CACNA2D4: variants seen among roughly 807,000 people sequenced by gnomAD.
CACNA2D4 encodes the protein calcium voltage-gated channel auxiliary subunit alpha2delta 4, also known as voltage-dependent calcium channel subunit alpha-2/delta-4.
Under a neutral mutation model 163.8 loss-of-function variants are expected in CACNA2D4, and 157 were observed. The observed-to-expected ratio is 0.96, with a 90% CI of 0.84 to 1.09. The LOEUF (loss-of-function observed/expected upper bound fraction) is 1.09, where lower values mean the gene tolerates loss of function less well. Ranked by LOEUF, CACNA2D4 falls within the 50% of genes least tolerant of loss-of-function variation. The probability of loss-of-function intolerance (pLI) is 0.00; values close to 1 mark genes in which losing one functional copy is unlikely to be tolerated. For missense variants in CACNA2D4, 1,410 were observed against 1,479.9 expected, an observed-to-expected ratio of 0.95 and a Z score of 0.78; for synonymous variants, 598 against 586.9, an observed-to-expected ratio of 1.02 and a Z score of -0.27.
intron 26 of CACNA2D4, among the ~76,000 whole-genome samples, chr12:1,826,409 C>CCCG: frequency 4.9e-5 from 3 of 60,718 alleles, no homozygotes; most frequent in Non-Finnish European, 1.3e-4. Context: ...AGCCCCCCCC[C>CCCG]CCCCCCCGCC....
chr12:1,845,049 G>GC lies in CACNA2D4; in HGVS notation c.2343-521dup, dbSNP rs1029932935. Among the ~76,000 whole-genome samples the GC allele has an allele frequency of 8.8e-4, 133 of 150,972 alleles. 1 individual carries two copies. Among genetic ancestry groups the GC allele is most frequent in the African/African-American group, 3.1e-3 (127 of 41,008 alleles). The stretch of plus-strand genomic sequence containing the variant: ...GGCAGCCCACAGAAGGGAGTGTTCG[G>GC]CCAGAAGCAGAGTGGGAGGCAGGGA... On this transcript the variant is annotated intron_variant, in intron 24 of 37. Transcript: ENST00000382722.
At chr12:1,893,052 G>A (rs926649400) in intron 6 of CACNA2D4, among the ~76,000 whole-genome samples, 5 of 152,112 alleles carry the variant, frequency 3.3e-5, no homozygotes, top group African/African-American at 7.2e-5. Context: ...TAGTTGGAAC[G>A]TAAACACCCC....
In CACNA2D4 at chr12:1,797,329, C is replaced by T. The variant is rs1863159793; in HGVS notation, c.3113+89G>A. 9 of 964,850 alleles carry T rather than the reference C, an allele frequency of 9.3e-6. No individual in the cohort carries two copies. The South Asian group carries it at 1.1e-4, about 12-fold the overall frequency. The allele number at this position is 964,850 out of a possible 1,614,324, so 59.8% of individuals were successfully genotyped here. A position where few individuals can be genotyped will look rare whatever the true frequency, so the allele number is the denominator to read the frequency against. On this transcript the variant is annotated intron_variant, in intron 35 of 37. Transcript: ENST00000382722. Reference sequence around the variant, plus strand: ...CTCCTCCCGGCTGTGGAGCCGTTTCCCGGGGGTTCCGGGGCCCTGCCCGCA... The same window carrying T: ...CTCCTCCCGGCTGTGGAGCCGTTTCTCGGGGGTTCCGGGGCCCTGCCCGCA...
chr12:1,909,644 A>C (rs1866764613), intron 4 of CACNA2D4, among the ~76,000 whole-genome samples: 3 of 152,296 alleles, frequency 2.0e-5, no homozygotes, highest in Admixed American at 1.3e-4. Flanking sequence ...TCCAGCCTGC[A>C]TTCCCCGGAG....
At position 1,846,865 on chromosome 12, in the gene CACNA2D4, G is replaced by A. The variant is rs537560814; in HGVS notation, c.2247-176C>T. ...GGACACGCACCCTGCTGGCATCCACGGTGCCCATCAGGTTTCAGGCCCGGC... is the reference window on the plus strand; with the variant it reads ...GGACACGCACCCTGCTGGCATCCACAGTGCCCATCAGGTTTCAGGCCCGGC... On this transcript the variant is annotated intron_variant, in intron 23 of 37. Coordinates refer to ENST00000382722, the MANE Select transcript of CACNA2D4 (RefSeq NM_172364.5). Among the ~76,000 whole-genome samples, 10 of 152,350 alleles carry A rather than the reference G, an allele frequency of 6.6e-5. No homozygotes were observed. In the South Asian group the frequency reaches 1.7e-3, roughly 25 times the overall value.
Position 1,801,107 on chromosome 12 carries a change from T to C in CACNA2D4, c.2804A>G (p.Tyr935Cys), listed in dbSNP as rs1220534190. 1.9e-6 allele frequency: 3 copies of C among 1,613,782 alleles called. No individual in the cohort carries two copies. The highest frequency in any genetic ancestry group is 2.2e-5 in the East Asian group (1 of 44,852). The change falls in exon 31 of 38, where the codon TAT becomes TGT. Residue 935 changes from tyrosine to cysteine, a missense_variant. Coordinates refer to ENST00000382722, the MANE Select transcript of CACNA2D4 (RefSeq NM_172364.5). Reference sequence around the variant, plus strand: ...GGGTTTGCACATGGCCTGATAGTCATACATAGTCACTCTGAAAATCAGAAG... The same window carrying C: ...GGGTTTGCACATGGCCTGATAGTCACACATAGTCACTCTGAAAATCAGAAG... ...SMGVFSQVTMYDYQAMCKPSS... is the reference protein window; with the variant it reads ...SMGVFSQVTMCDYQAMCKPSS...
chr12:1,804,175 AC>A (rs1863439350), intron 29 of CACNA2D4, among the ~76,000 whole-genome samples: 1 of 140,474 alleles, frequency 7.1e-6, no homozygotes, highest in Non-Finnish European at 1.5e-5. Flanking sequence ...CCCCTCCGTC[AC>A]CCCCTCACCT....
chr12:1,868,952 CTG>C (rs955712659), intron 18 of CACNA2D4, among the ~76,000 whole-genome samples: 2 of 151,872 alleles, frequency 1.3e-5, no homozygotes, highest in African/African-American at 4.8e-5. Flanking sequence ...TTAGGGAAGA[CTG>C]TGTAGATTAC....
At position 1,878,863 on chromosome 12, in the gene CACNA2D4, G is replaced by T; in HGVS notation, c.1644+93C>A. ...TGGAGGGGCCCCACCCCAGCTCTGG[G>T]CTTGGCTTGCCTGGAGAGAGGCTCC... is the stretch of plus-strand genomic sequence containing the variant. On this transcript the variant is annotated intron_variant, in intron 15 of 37. Coordinates refer to ENST00000382722, the MANE Select transcript of CACNA2D4 (RefSeq NM_172364.5). The surrounding 1 kb of genome is among the most constrained non-coding windows in gnomAD (Gnocchi z 4.6). 8.0e-7 allele frequency: 1 copy of T among 1,244,568 alleles called. No homozygotes were observed. Among genetic ancestry groups the T allele is most frequent in the Non-Finnish European group, 1.1e-6 (1 of 881,534 alleles). The allele number at this position is 1,244,568 out of a possible 1,614,324, so 77.1% of individuals were successfully genotyped here.
In CACNA2D4 at chr12:1,806,471, G is replaced by C. The variant is rs1020234756; in HGVS notation, c.2721+3807C>G. On this transcript the variant is annotated intron_variant, in intron 29 of 37. Transcript: ENST00000382722. This position sits in a 1 kb window ranked among gnomAD's most constrained non-coding sequence, Gnocchi z 4.1. ...GGCCCTTGTGGTTTCCCCACTCACT[G>C]ACTACGGGGAGGAGGGTGTGCAAGG... Among the ~76,000 whole-genome samples the C allele has an allele frequency of 6.6e-6, 1 of 152,206 alleles. No homozygotes were observed. The highest frequency in any genetic ancestry group is 2.4e-5 in the African/African-American group (1 of 41,450).
At chr12:1,851,689 T>G in intron 23 of CACNA2D4, among the ~76,000 whole-genome samples, 1 of 83,244 alleles carries the variant, frequency 1.2e-5, no homozygotes, top group Non-Finnish European at 2.8e-5. Flanking sequence ...GTTTTTTTTT[T>G]TTTTTTCCAG....
At chr12:1,885,427 C>T (rs530445110) in intron 9 of CACNA2D4, among the ~76,000 whole-genome samples, 1 of 152,168 alleles carries the variant, frequency 6.6e-6, no homozygotes, top group Non-Finnish European at 1.5e-5. Flanking sequence ...GTGCACACTT[C>T]ACAGCAGAAA....
Position 1,853,957 on chromosome 12 carries a change from A to T in CACNA2D4, c.2240T>A (p.Met747Lys). The T allele has an allele frequency of 6.2e-7, 1 of 1,612,810 alleles. No individual in the cohort carries two copies. The highest frequency in any genetic ancestry group is 2.2e-5 in the East Asian group (1 of 44,850). ...EAYWTALALNMSEESEHVVDM... is the reference protein window; with the variant it reads ...EAYWTALALNKSEESEHVVDM... ...CCTGGGAACCTGGACCTACTCGGACATGTTGAGGGCCAGCGCTGTCCAGTA... is the reference window on the plus strand; with the variant it reads ...CCTGGGAACCTGGACCTACTCGGACTTGTTGAGGGCCAGCGCTGTCCAGTA... The change falls in exon 23 of 38, where the codon ATG becomes AAG. Residue 747 changes from methionine to lysine, a missense_variant. Met to Lys is a moderately conservative substitution (Grantham distance 95). Coordinates refer to ENST00000382722, the MANE Select transcript of CACNA2D4 (RefSeq NM_172364.5).
chr12:1,846,616 C>T lies in CACNA2D4; in HGVS notation c.2320G>A (p.Gly774Ser). 4 of 1,601,474 alleles carry T rather than the reference C, an allele frequency of 2.5e-6. No individual in the cohort carries two copies. Among genetic ancestry groups the T allele is most frequent in the Non-Finnish European group, 3.4e-6 (4 of 1,176,622 alleles). Residue 774 changes from glycine to serine, a missense_variant, in exon 24 of 38, where the codon GGC (glycine) becomes AGC (serine). Coordinates refer to ENST00000382722, the MANE Select transcript of CACNA2D4 (RefSeq NM_172364.5). ...CACCTGTCGGAGACCTTCTCGGAGCCCACGAACAAGCTGCTTCTCAGGAGG... is the reference window on the plus strand; with the variant it reads ...CACCTGTCGGAGACCTTCTCGGAGCTCACGAACAAGCTGCTTCTCAGGAGG... ...AGLLRSSLFV[G>S]SEKVSDRKFL... is the part of the protein sequence containing the mutation.
Position 1,798,761 on chromosome 12 carries a change from T to G in CACNA2D4, c.2995+914A>C, listed in dbSNP as rs1863212359. 6.6e-6 allele frequency among the ~76,000 whole-genome samples: 1 copy of G among 152,114 alleles called. No individual in the cohort carries two copies. The highest frequency in any genetic ancestry group is 2.4e-5 in the African/African-American group (1 of 41,416). ...TGAGCAGGCAGATTGAGGGGGATCA[T>G]CTTCAACTTTTGCAAGATGCAGCTG... On this transcript the variant is annotated intron_variant, in intron 34 of 37. Coordinates refer to ENST00000382722, the MANE Select transcript of CACNA2D4 (RefSeq NM_172364.5). This position sits in a 1 kb window ranked among gnomAD's most constrained non-coding sequence, Gnocchi z 4.3.
intron 2 of CACNA2D4, among the ~76,000 whole-genome samples, chr12:1,914,387 G>A (rs1866908469): frequency 6.6e-6 from 1 of 152,176 alleles, no homozygotes; most frequent in South Asian, 2.1e-4. Flanking sequence ...GGCGGATGCT[G>A]GACATGGCTC....
At chr12:1,886,874 C>T (rs550676248) in intron 7 of CACNA2D4, 135 bp downstream of exon 7, 9 of 618,584 alleles carry the variant, frequency 1.5e-5, no homozygotes, top group African/African-American at 1.1e-4. Context: ...GCTCTTGTGT[C>T]GGGCTAGGGT....
rs758285077 is a variant in CACNA2D4 at position 1,896,645 on chromosome 12, AC to A, written c.782-9577del. Among the ~76,000 whole-genome samples, 341 of 148,910 alleles carry A rather than the reference AC, an allele frequency of 2.3e-3. 4 individuals carry two copies. The highest frequency in any genetic ancestry group is 0.018 in the South Asian group (87 of 4,768). On this transcript the variant is annotated intron_variant, in intron 6 of 37. Transcript: ENST00000382722. ...CACACACACACACACACACACACAC[AC>A]ACACACACAAAACAGATGCTAGCAA...
chr12:1,908,846 G>C (rs1360160615), intron 4 of CACNA2D4, among the ~76,000 whole-genome samples: 17 of 124,804 alleles, frequency 1.4e-4, no homozygotes, highest in South Asian at 5.6e-4. Context: ...GCCGGACTGC[G>C]TCACGGACAT....
Sources: gnomAD v4.1 joint callset for allele counts (sites outside exome capture counted in the v4.1 genomes callset) on GRCh38, gnomAD v4.1.1 for gene constraint, Gnocchi (gnomAD v3.1) non-coding constraint, MANE v1.5 for transcripts, NCBI Gene and HGNC (gene_info 2026-07-23, HGNC 2026-07-21) for gene names.